The following DPYSL5 variants were observed in gnomAD, a reference collection of about 807,000 sequenced individuals.
The protein encoded by DPYSL5 is dihydropyrimidinase-related protein 5.
A neutral mutation model predicts 58.4 loss-of-function variants in DPYSL5; 9 were observed. The observed-to-expected ratio is 0.15, with a 90% CI of 0.09 to 0.27. The LOEUF is 0.27. Ranked by LOEUF, DPYSL5 falls within the 10% of genes least tolerant of loss-of-function variation. The pLI, the probability that DPYSL5 is intolerant of heterozygous loss-of-function variation, is 1.00. For synonymous variants in DPYSL5, 293 were observed against 301.9 expected (o/e 0.97, Z 0.31); for missense variants, 499 against 770.6 (o/e 0.65, Z 4.17).
chr2:26,862,975 C>T (rs1304452054), intron 1 of DPYSL5, among the ~76,000 whole-genome samples: 1 of 152,118 alleles, frequency 6.6e-6, no homozygotes. Context: ...GAGGTGCCCT[C>T]CCCTTGGAAT....
At position 26,927,716 on chromosome 2, in the gene DPYSL5, G is replaced by A. The variant is rs1307694251; in HGVS notation, c.600+284G>A. On this transcript the variant is annotated intron_variant, in intron 4 of 12. Transcript: ENST00000288699. This position sits in a 1 kb window ranked among gnomAD's most constrained non-coding sequence, Gnocchi z 4.3. Reference sequence around the variant, plus strand: ...GAGATTTAAATTCCATTATAGCAGAGAATTTGGAGCACCTCTCAGACATAT... The same window carrying A: ...GAGATTTAAATTCCATTATAGCAGAAAATTTGGAGCACCTCTCAGACATAT... Among the ~76,000 whole-genome samples, 2 of 152,202 alleles carry A rather than the reference G, an allele frequency of 1.3e-5. No individual in the cohort carries two copies. The highest frequency in any genetic ancestry group is 2.9e-5 in the Non-Finnish European group (2 of 68,028).
At chr2:26,931,816 T>C (rs1664996592) in intron 6 of DPYSL5, 132 bp downstream of exon 6, 1 of 887,056 alleles carries the variant, frequency 1.1e-6, no homozygotes, top group Middle Eastern at 3.5e-4. Flanking sequence ...GAGACCAGCC[T>C]GGCCAACATG....
chr2:26,925,058 G>A lies in DPYSL5; in HGVS notation c.420+13G>A. The A allele has an allele frequency of 6.2e-7, 1 of 1,612,462 alleles. No individual in the cohort carries two copies. On this transcript the variant is annotated intron_variant, in intron 3 of 12. Coordinates refer to ENST00000288699, the MANE Select transcript of DPYSL5 (RefSeq NM_020134.4). The surrounding 1 kb of genome is among the most constrained non-coding windows in gnomAD (Gnocchi z 4.5). ...GTGGGCACCCAAGGTAACAGTGCTG[G>A]TGGGATCCCAGAAGAAGGCACAAGT... is the stretch of plus-strand genomic sequence containing the variant.
chr2:26,908,179 C>T lies in DPYSL5; in HGVS notation c.261+9419C>T, dbSNP rs188252835. 2.9e-3 allele frequency among the ~76,000 whole-genome samples: 440 copies of T among 152,296 alleles called. 3 individuals are homozygous for T. Among genetic ancestry groups the T allele is most frequent in the Non-Finnish European group, 5.0e-3 (343 of 68,036 alleles). On this transcript the variant is annotated intron_variant, in intron 2 of 12. Coordinates refer to ENST00000288699, the MANE Select transcript of DPYSL5 (RefSeq NM_020134.4). ...ATAAATAGATCATGTTGATCAAAGT[C>T]AGATCCCTTAAAAATCCATTTGTAC... is the stretch of plus-strand genomic sequence containing the variant.
chr2:26,940,369 G>C (rs190440089), intron 9 of DPYSL5, among the ~76,000 whole-genome samples, 197 bp downstream of exon 9: 99 of 150,768 alleles, frequency 6.6e-4, no homozygotes, highest in African/African-American at 2.4e-3. Context: ...AAGGTAGTAA[G>C]ACCTATTATG....
chr2:26,873,538 C>A (rs553694155), intron 1 of DPYSL5, among the ~76,000 whole-genome samples: 4 of 152,216 alleles, frequency 2.6e-5, no homozygotes, highest in African/African-American at 9.6e-5. Flanking sequence ...CTGGATAGCT[C>A]CCAGGACAAA....
At chr2:26,867,459 G>GTTTTT (rs5830029) in intron 1 of DPYSL5, among the ~76,000 whole-genome samples, 1 of 128,784 alleles carries the variant, frequency 7.8e-6, no homozygotes, top group South Asian at 2.4e-4. Flanking sequence ...TTTTTTGTTT[G>GTTTTT]TTTTTTTTTT....
chr2:26,931,415 T>C (rs1323641049), intron 5 of DPYSL5, among the ~76,000 whole-genome samples: 2 of 151,620 alleles, frequency 1.3e-5, no homozygotes, highest in Non-Finnish European at 2.9e-5. Flanking sequence ...CCTTGCCTTT[T>C]AATTAAGCCC....
intron 1 of DPYSL5, among the ~76,000 whole-genome samples, chr2:26,896,478 G>T (rs1038781742): frequency 6.6e-6 from 1 of 152,212 alleles, no homozygotes; most frequent in Middle Eastern, 3.4e-3. Flanking sequence ...TTCCATAATG[G>T]CTATACTAAT....
At chr2:26,865,791 A>C (rs556450978) in intron 1 of DPYSL5, among the ~76,000 whole-genome samples, 1 of 152,234 alleles carries the variant, frequency 6.6e-6, no homozygotes. Context: ...CTCAGTTGTA[A>C]GCAATGAATT....
At chr2:26,931,203 G>GTGTGTGTGTGTGTATATA (rs1474347605) in intron 5 of DPYSL5, among the ~76,000 whole-genome samples, 2 of 44,910 alleles carry the variant, frequency 4.5e-5, no homozygotes, top group African/African-American at 8.1e-5. Context: ...GTGTGTGTGT[G>GTGTGTGTGTGTGTATATA]TATATATATA....
chr2:26,889,847 G>T (rs776804406), intron 1 of DPYSL5, among the ~76,000 whole-genome samples: 6 of 152,170 alleles, frequency 3.9e-5, no homozygotes, highest in Non-Finnish European at 7.3e-5. Context: ...CAGACAGCCT[G>T]TGCTGCAGAG....
intron 1 of DPYSL5, among the ~76,000 whole-genome samples, chr2:26,896,822 G>A (rs567889497): frequency 6.6e-6 from 1 of 152,226 alleles, no homozygotes; most frequent in Non-Finnish European, 1.5e-5. Flanking sequence ...CTCCCATTTT[G>A]TAGGTTTTCT....
intron 1 of DPYSL5, among the ~76,000 whole-genome samples, chr2:26,882,090 C>CAA (rs752138649): frequency 0.019 from 765 of 40,584 alleles, 27 homozygotes; most frequent in African/African-American, 0.053. Flanking sequence ...GACTCCATCT[C>CAA]AAAAAAAAAA....
intron 1 of DPYSL5, among the ~76,000 whole-genome samples, chr2:26,874,570 A>T (rs1663363558): frequency 6.6e-6 from 1 of 152,242 alleles, no homozygotes; most frequent in Admixed American, 6.5e-5. Context: ...TGTATCATCC[A>T]CATATTCATC....
chr2:26,920,290 CTGTT>C (rs1430776243), intron 2 of DPYSL5, among the ~76,000 whole-genome samples: 1 of 151,992 alleles, frequency 6.6e-6, no homozygotes, highest in African/African-American at 2.4e-5. Context: ...GTATTTTACT[CTGTT>C]TGAAATATTT....
chr2:26,946,788 G>A (rs952277392), intron 12 of DPYSL5, 122 bp from the exon 13 acceptor site: 5 of 670,472 alleles, frequency 7.5e-6, no homozygotes, highest in South Asian at 3.8e-5. Flanking sequence ...CTATAAGATG[G>A]GATGGAGTGG....
rs543581764 is a variant in DPYSL5 at position 26,940,047 on chromosome 2, G to A, written c.964G>A (p.Val322Met). ...TCTACCCAGTGACACTCTGAACATCGTGGCATCAGATCACCGGCCTTTCAC... is the reference window on the plus strand; with the variant it reads ...TCTACCCAGTGACACTCTGAACATCATGGCATCAGATCACCGGCCTTTCAC... ...SLLANDTLNI[V>M]ASDHRPFTTK... Residue 322 changes from valine (V) to methionine (M), a missense_variant, in exon 9 of 13, where the codon GTG (valine) becomes ATG (methionine). Val to Met is a conservative substitution (Grantham distance 21). Transcript: ENST00000288699. 4 of 1,613,928 alleles carry A rather than the reference G, an allele frequency of 2.5e-6. No individual in the cohort carries two copies. The highest frequency in any genetic ancestry group is 2.2e-5 in the East Asian group (1 of 44,874).
rs1663769630 is a variant in DPYSL5, at chr2:26,888,209, T to TTTTCTTTCTTTTC, written c.-4-10276_-4-10275insTCTTTCTTTCTTT. 1.3e-4 allele frequency among the ~76,000 whole-genome samples: 14 copies of TTTTCTTTCTTTTC among 105,040 alleles called. 1 individual carries two copies. The highest frequency in any genetic ancestry group is 1.9e-5 in the Non-Finnish European group (1 of 51,466). 68.9% of individuals were successfully genotyped at this position (105,040 alleles called of 152,430 possible). Reference sequence around the variant, plus strand: ...CTTTTTCCTTCCTTCCTTCCCTTTCTTTTCTTTCTTTCTTTCTTTCTTTCT... The same window carrying TTTTCTTTCTTTTC: ...CTTTTTCCTTCCTTCCTTCCCTTTCTTTTCTTTCTTTTCTTTCTTTCTTTCTTTCTTTCTTTCT... On this transcript the variant is annotated intron_variant, in intron 1 of 12. Coordinates refer to ENST00000288699, the MANE Select transcript of DPYSL5 (RefSeq NM_020134.4).
Sources: gnomAD v4.1 joint callset for allele counts (sites outside exome capture counted in the v4.1 genomes callset) on GRCh38, gnomAD v4.1.1 for gene constraint, Gnocchi (gnomAD v3.1) non-coding constraint, MANE v1.5 for transcripts, NCBI Gene and HGNC (gene_info 2026-07-23, HGNC 2026-07-21) for gene names.